Variants in PTPRJ observed in about 807,000 individuals in gnomAD.
PTPRJ encodes protein tyrosine phosphatase receptor type J.
A neutral mutation model predicts 141.3 loss-of-function variants in PTPRJ; 129 were observed. The observed-to-expected ratio is 0.91, with a 90% CI of 0.79 to 1.06. PTPRJ has a LOEUF of 1.06. Ranked by LOEUF, PTPRJ falls within the 50% of genes least tolerant of loss-of-function variation. The pLI is 0.00. For missense variants in PTPRJ, 1,601 were observed against 1,679.7 expected (o/e 0.95, Z 0.82); for synonymous variants, 610 against 640.5 (o/e 0.95, Z 0.72).
chr11:48,126,817 C>CATAT (rs1555051849), intron 6 of PTPRJ, among the ~76,000 whole-genome samples: 1 of 146,484 alleles, frequency 6.8e-6, no homozygotes, highest in East Asian at 2.0e-4. Context: ...CACACACACA[C>CATAT]ACAGATAAAC....
chr11:48,137,313 C>T (rs1857128603), intron 10 of PTPRJ, 32 bp downstream of exon 10: 1 of 1,598,306 alleles, frequency 6.3e-7, no homozygotes, highest in Non-Finnish European at 8.5e-7. Context: ...TCTTGGACTC[C>T]TCCCTGAGTG....
intron 1 of PTPRJ, among the ~76,000 whole-genome samples, chr11:48,056,945 ACT>A (rs986968415): frequency 3.9e-4 from 60 of 152,246 alleles, no homozygotes; most frequent in African/African-American, 1.4e-3. Flanking sequence ...CAAGAGCGAA[ACT>A]CTGTCTCAAA....
chr11:48,100,387 T>G (rs568222753), intron 1 of PTPRJ, among the ~76,000 whole-genome samples: 1 of 152,318 alleles, frequency 6.6e-6, no homozygotes, highest in African/African-American at 2.4e-5. Flanking sequence ...GTGGTAGTGA[T>G]GACAATAATA....
At chr11:48,024,857 C>T (rs11039492) in intron 1 of PTPRJ, among the ~76,000 whole-genome samples, 1,632 of 152,358 alleles carry the variant, frequency 0.011, 26 homozygotes, top group African/African-American at 0.037. Flanking sequence ...CATTCAGCTG[C>T]ATTTCTTGAG....
intron 1 of PTPRJ, among the ~76,000 whole-genome samples, chr11:47,981,268 C>T (rs1204810673): frequency 6.6e-6 from 1 of 152,186 alleles, no homozygotes; most frequent in African/African-American, 2.4e-5. Context: ...GGAAAGCCTC[C>T]GCGCGGGCTC....
At chr11:48,120,772 A>G (rs57531468) in intron 3 of PTPRJ, among the ~76,000 whole-genome samples, 3,149 of 152,154 alleles carry the variant, frequency 0.021, 110 homozygotes, top group African/African-American at 0.072. Flanking sequence ...AGCATGGTCA[A>G]CTTCTGTCAG....
intron 1 of PTPRJ, among the ~76,000 whole-genome samples, chr11:48,097,593 A>G (rs1021222004): frequency 1.2e-4 from 18 of 151,194 alleles, no homozygotes; most frequent in Admixed American, 1.1e-3. Context: ...GCTGGAGTGT[A>G]GTGGCGTGAT....
At chr11:48,149,588 T>C (rs1451445759) in intron 16 of PTPRJ, 100 bp downstream of exon 16, 7 of 818,358 alleles carry the variant, frequency 8.6e-6, no homozygotes, top group Non-Finnish European at 1.1e-5. Context: ...TTTTTCCTGA[T>C]TGGCACATTT....
intron 15 of PTPRJ, among the ~76,000 whole-genome samples, chr11:48,148,392 G>C (rs1857401373): frequency 6.6e-6 from 1 of 151,982 alleles, no homozygotes; most frequent in Non-Finnish European, 1.5e-5. Flanking sequence ...TTAGAATCAA[G>C]CCTGCTTTAT....
intron 1 of PTPRJ, among the ~76,000 whole-genome samples, chr11:48,083,595 C>T (rs147795854): frequency 6.6e-6 from 1 of 152,290 alleles, no homozygotes; most frequent in East Asian, 1.9e-4. Flanking sequence ...CTTACTACTA[C>T]CTGACATTAT....
intron 2 of PTPRJ, among the ~76,000 whole-genome samples, chr11:48,111,716 A>G (rs1856446483): frequency 6.6e-6 from 1 of 152,076 alleles, no homozygotes; most frequent in Admixed American, 6.6e-5. Context: ...TTTTAACTGA[A>G]AGGATTTACC....
At chr11:48,135,618 A>G (rs980093416) in intron 8 of PTPRJ, among the ~76,000 whole-genome samples, 3 of 150,256 alleles carry the variant, frequency 2.0e-5, no homozygotes, top group Non-Finnish European at 4.4e-5. Context: ...AGTAGCTGGG[A>G]TTACAGGCGT....
At chr11:47,986,602 C>T (rs556293003) in intron 1 of PTPRJ, among the ~76,000 whole-genome samples, 8 of 152,270 alleles carry the variant, frequency 5.3e-5, no homozygotes, top group African/African-American at 1.2e-4. Context: ...CTGCAACCTC[C>T]GCCTCCCGGG....
Position 48,132,188 on chromosome 11 carries a change from A to G in PTPRJ, c.1615+1472A>G, listed in dbSNP as rs1856995424. ...GTGGACTGTTCACAGTCTTTCCTAA[A>G]CAACACTGTGATGAGATACTTTGTT... is the stretch of plus-strand genomic sequence containing the variant. On this transcript the variant is annotated intron_variant, in intron 8 of 24. Transcript: ENST00000418331. 9.1e-6 allele frequency: 9 copies of G among 985,418 alleles called. No homozygotes were observed. The South Asian group carries it at 4.2e-4, about 46-fold the overall frequency. The allele number at this position is 985,418 out of a possible 1,614,324, so 61.0% of individuals were successfully genotyped here.
At chr11:48,152,531 G>A (rs1401705114) in intron 18 of PTPRJ, among the ~76,000 whole-genome samples, 3 of 152,186 alleles carry the variant, frequency 2.0e-5, no homozygotes, top group Non-Finnish European at 4.4e-5. Flanking sequence ...CCATGCCTAT[G>A]TCCTGAATAG....
chr11:48,018,804 C>T (rs868603955), intron 1 of PTPRJ, among the ~76,000 whole-genome samples: 1 of 152,180 alleles, frequency 6.6e-6, no homozygotes, highest in Non-Finnish European at 1.5e-5. Flanking sequence ...CTGCTTTGTT[C>T]TCTCCCAGGT....
chr11:48,025,648 C>T (rs1031501232), intron 1 of PTPRJ, among the ~76,000 whole-genome samples: 1 of 152,200 alleles, frequency 6.6e-6, no homozygotes, highest in Non-Finnish European at 1.5e-5. Context: ...TGTTCCTTGT[C>T]TCCTTCCCTT....
chr11:48,086,630 C>T (rs1171261980), intron 1 of PTPRJ, among the ~76,000 whole-genome samples: 11 of 152,344 alleles, frequency 7.2e-5, no homozygotes, highest in Non-Finnish European at 1.0e-4. Context: ...AGGATGACAG[C>T]AGTGACCTTC....
intron 1 of PTPRJ, among the ~76,000 whole-genome samples, chr11:48,055,695 T>C (rs1260189622): frequency 6.6e-6 from 1 of 152,096 alleles, no homozygotes; most frequent in Non-Finnish European, 1.5e-5. Context: ...CCCTGGGGCT[T>C]CAGGGTCAGG....
Sources: gnomAD v4.1 joint callset for allele counts (sites outside exome capture counted in the v4.1 genomes callset) on GRCh38, gnomAD v4.1.1 for gene constraint, MANE v1.5 for transcripts, NCBI Gene and HGNC (gene_info 2026-07-23, HGNC 2026-07-21) for gene names.